KLHL29: variants seen among roughly 807,000 people sequenced by gnomAD.
KLHL29 encodes kelch like family member 29, also known as kelch-like protein 29.
Under a neutral mutation model 80.4 loss-of-function variants are expected in KLHL29, and 21 were observed. That is an observed-to-expected ratio of 0.26 (90% CI 0.19 to 0.38). The LOEUF (loss-of-function observed/expected upper bound fraction) is 0.38. Ranked by LOEUF, KLHL29 falls within the 10% of genes least tolerant of loss-of-function variation. The probability of loss-of-function intolerance (pLI) is 1.00; values close to 1 mark genes in which losing one functional copy is unlikely to be tolerated. For missense variants in KLHL29, 867 were observed against 1,223.9 expected, an observed-to-expected ratio of 0.71 and a Z score of 4.35; for synonymous variants, 511 against 526.8, an observed-to-expected ratio of 0.97 and a Z score of 0.41.
chr2:23,564,222 A>G (rs1421349730), intron 3 of KLHL29, among the ~76,000 whole-genome samples: 31 of 152,288 alleles, frequency 2.0e-4, no homozygotes, highest in Non-Finnish European at 2.9e-5. Flanking sequence ...GCTCCCCCAC[A>G]GGGCTGTGCT....
intron 2 of KLHL29, among the ~76,000 whole-genome samples, chr2:23,557,345 T>C (rs1324199615): frequency 1.3e-5 from 2 of 152,188 alleles, no homozygotes; most frequent in African/African-American, 2.4e-5. Context: ...ACTCCTTTCT[T>C]TCATGACGTT....
At chr2:23,606,283 G>C (rs1196927902) in intron 3 of KLHL29, among the ~76,000 whole-genome samples, 1 of 152,024 alleles carries the variant, frequency 6.6e-6, no homozygotes, top group Non-Finnish European at 1.5e-5. Context: ...ACGTTCCCGG[G>C]CCTTGCACAC....
intron 2 of KLHL29, among the ~76,000 whole-genome samples, chr2:23,554,208 T>G (rs1667201894): frequency 6.6e-6 from 1 of 152,256 alleles, no homozygotes; most frequent in East Asian, 1.9e-4. Flanking sequence ...GTGTTGCATT[T>G]GCCAAGATGG....
intron 3 of KLHL29, among the ~76,000 whole-genome samples, chr2:23,571,111 C>T (rs1282337884): frequency 6.6e-6 from 1 of 152,266 alleles, no homozygotes; most frequent in African/African-American, 2.4e-5. Flanking sequence ...CAAGGGGACT[C>T]AGCATAGGAC....
At chr2:23,628,033 C>G (rs1244136678) in intron 3 of KLHL29, among the ~76,000 whole-genome samples, 3 of 151,648 alleles carry the variant, frequency 2.0e-5, no homozygotes, top group African/African-American at 7.3e-5. Flanking sequence ...CTGCCTCAGC[C>G]TCCCGAGTAG....
rs959046532 is a variant in KLHL29 at position 23,457,188 on chromosome 2, C to T, written c.-153-18372C>T. Among the ~76,000 whole-genome samples, 6 of 152,158 alleles carry T rather than the reference C, an allele frequency of 3.9e-5. No homozygotes were observed. Among genetic ancestry groups the T allele is most frequent in the African/African-American group, 1.4e-4 (6 of 41,434 alleles). On this transcript the variant is annotated intron_variant, in intron 1 of 13. Coordinates refer to ENST00000486442, the MANE Select transcript of KLHL29 (RefSeq NM_052920.2). This position sits in a 1 kb window ranked among gnomAD's most constrained non-coding sequence, Gnocchi z 4.3. ...TAAAGCAATCCGTGCCCTGAGTGAG[C>T]GCAGGGTGCAGAGTAACCCTCACAT...
intron 7 of KLHL29, 138 bp downstream of exon 7, chr2:23,692,014 G>T: frequency 1.3e-6 from 1 of 780,290 alleles, no homozygotes; most frequent in Non-Finnish European, 2.0e-6. Context: ...GTTTGGCAGG[G>T]CTGTTTTAAG....
intron 1 of KLHL29, among the ~76,000 whole-genome samples, chr2:23,422,009 CTG>C (rs768105497): frequency 1.3e-5 from 2 of 148,440 alleles, no homozygotes; most frequent in South Asian, 2.2e-4. Context: ...GTCAGTGTAT[CTG>C]TGTGTCATAT....
At chr2:23,641,765 C>T (rs1383143574) in intron 4 of KLHL29, among the ~76,000 whole-genome samples, 2 of 152,184 alleles carry the variant, frequency 1.3e-5, no homozygotes, top group Non-Finnish European at 2.9e-5. Context: ...GGGCAGATCA[C>T]CTGAGCTCAG....
At chr2:23,597,172 G>A (rs948786529) in intron 3 of KLHL29, among the ~76,000 whole-genome samples, 33 of 151,592 alleles carry the variant, frequency 2.2e-4, no homozygotes, top group African/African-American at 7.5e-4. Context: ...AATATAATAG[G>A]TAGAGAGATT....
At chr2:23,636,798 C>T (rs1669622781) in intron 3 of KLHL29, among the ~76,000 whole-genome samples, 1 of 152,144 alleles carries the variant, frequency 6.6e-6, no homozygotes, top group South Asian at 2.1e-4. Flanking sequence ...TCAGAAACTC[C>T]ACCAATTTTA....
intron 3 of KLHL29, among the ~76,000 whole-genome samples, chr2:23,588,203 C>G (rs1057218276): frequency 6.6e-6 from 1 of 152,174 alleles, no homozygotes; most frequent in African/African-American, 2.4e-5. Flanking sequence ...TCCCTGCCAC[C>G]CAGCCCGGCA....
chr2:23,655,442 C>T (rs939587036), intron 5 of KLHL29, among the ~76,000 whole-genome samples: 4 of 152,074 alleles, frequency 2.6e-5, no homozygotes, highest in South Asian at 2.1e-4. Flanking sequence ...TTTCTGTCAC[C>T]GAGGAATGAG....
intron 2 of KLHL29, among the ~76,000 whole-genome samples, chr2:23,480,471 C>T (rs1053804051): frequency 6.8e-6 from 1 of 146,302 alleles, no homozygotes; most frequent in African/African-American, 2.6e-5. Context: ...CCCTAGGTGA[C>T]AGCGGAAGAT....
chr2:23,612,686 G>T (rs1448589164), intron 3 of KLHL29, among the ~76,000 whole-genome samples: 1 of 152,146 alleles, frequency 6.6e-6, no homozygotes, highest in Non-Finnish European at 1.5e-5. Flanking sequence ...AGGTTGCAGT[G>T]AGCCAAGATC....
At chr2:23,476,660 T>A (rs1664651116) in intron 2 of KLHL29, among the ~76,000 whole-genome samples, 1 of 152,256 alleles carries the variant, frequency 6.6e-6, no homozygotes, top group African/African-American at 2.4e-5. Flanking sequence ...TTAGCATATT[T>A]TAAATATTTC....
intron 1 of KLHL29, among the ~76,000 whole-genome samples, chr2:23,399,557 T>A (rs534288615): frequency 6.6e-6 from 1 of 152,234 alleles, no homozygotes; most frequent in Non-Finnish European, 1.5e-5. Context: ...GAGCATTGCA[T>A]TGCGTTTATT....
chr2:23,686,995 A>T (rs1671290542), intron 6 of KLHL29, among the ~76,000 whole-genome samples: 1 of 152,126 alleles, frequency 6.6e-6, no homozygotes, highest in Non-Finnish European at 1.5e-5. Flanking sequence ...AATCATAGAG[A>T]ATTTCACATT....
chr2:23,563,846 G>A (rs926121828), intron 3 of KLHL29, among the ~76,000 whole-genome samples: 2 of 152,226 alleles, frequency 1.3e-5, no homozygotes, highest in Admixed American at 6.5e-5. Flanking sequence ...CCACTGAGGC[G>A]GGGAGGGAAA....
Sources: allele counts gnomAD v4.1 joint callset (sites outside exome capture counted in the v4.1 genomes callset), GRCh38; gene constraint gnomAD v4.1.1; non-coding constraint Gnocchi (gnomAD v3.1); transcripts MANE v1.5; gene names NCBI Gene and HGNC (gene_info 2026-07-23, HGNC 2026-07-21).